MPP7: variants seen among roughly 807,000 people sequenced by gnomAD.
The protein encoded by MPP7 is MAGUK p55 subfamily member 7.
A neutral mutation model predicts 76.5 loss-of-function variants in MPP7; 60 were observed. The observed-to-expected ratio is 0.78, with a 90% CI of 0.64 to 0.97. The LOEUF (loss-of-function observed/expected upper bound fraction) is 0.97. Among genes scored for constraint, MPP7 ranks in the 50% least tolerant of loss-of-function variants. The pLI, the probability that MPP7 is intolerant of heterozygous loss-of-function variation, is 0.00. For synonymous variants in MPP7, 237 were observed against 244.5 expected, an observed-to-expected ratio of 0.97 and a Z score of 0.29; for missense variants, 641 against 694.0, an observed-to-expected ratio of 0.92 and a Z score of 0.86.
intron 16 of MPP7, 27 bp downstream of exon 16, chr10:28,056,453 C>T: frequency 6.2e-7 from 1 of 1,600,728 alleles, no homozygotes; most frequent in Non-Finnish European, 8.5e-7. Flanking sequence ...GCCACCACAC[C>T]TGGCCCCCAA....
At chr10:28,076,947 G>T (rs1049384028) in intron 12 of MPP7, among the ~76,000 whole-genome samples, 4 of 151,380 alleles carry the variant, frequency 2.6e-5, no homozygotes, top group Middle Eastern at 3.2e-3. Flanking sequence ...AAGACAACTA[G>T]AACTACAGGA....
intron 11 of MPP7, among the ~76,000 whole-genome samples, chr10:28,110,239 A>G (rs10826400): frequency 0.27 from 40,297 of 151,812 alleles, 7,554 homozygotes; most frequent in East Asian, 0.88. Flanking sequence ...ATAGGCACGC[A>G]CCACCACACC....
intron 5 of MPP7, among the ~76,000 whole-genome samples, chr10:28,138,981 C>G (rs1310075420): frequency 1.3e-5 from 2 of 152,158 alleles, no homozygotes; most frequent in Admixed American, 6.5e-5. Flanking sequence ...TGGCAGACTG[C>G]CACTGTTACT....
intron 11 of MPP7, 143 bp downstream of exon 11, chr10:28,119,508 A>G (rs968554985): frequency 2.4e-5 from 15 of 622,334 alleles, no homozygotes; most frequent in South Asian, 2.0e-4. Flanking sequence ...TATGAATCTC[A>G]TATTTGTTTG....
chr10:28,123,454 AC>A (rs1210357752), intron 8 of MPP7, among the ~76,000 whole-genome samples: 1 of 148,636 alleles, frequency 6.7e-6, no homozygotes, highest in East Asian at 2.0e-4. Flanking sequence ...AGGGACAGGT[AC>A]TAAATTCTTT....
At chr10:28,171,938 C>T (rs757957184) in intron 3 of MPP7, among the ~76,000 whole-genome samples, 1 of 152,212 alleles carries the variant, frequency 6.6e-6, no homozygotes, top group Admixed American at 6.5e-5. Flanking sequence ...TTCTTTCCAT[C>T]TAAGCAGCTC....
chr10:28,103,518 C>T (rs1296936876), intron 11 of MPP7, among the ~76,000 whole-genome samples: 1 of 152,132 alleles, frequency 6.6e-6, no homozygotes, highest in African/African-American at 2.4e-5. Flanking sequence ...CTTTGACCAC[C>T]ATATTTAAAT....
chr10:28,323,256 G>A (rs1023289684), intron 2 of MPP7, among the ~76,000 whole-genome samples: 1 of 152,062 alleles, frequency 6.6e-6, no homozygotes, highest in African/African-American at 2.4e-5. Context: ...CTGCACTCCA[G>A]CCTGTGTGAC....
chr10:28,288,884 T>C (rs1420124858), intron 1 of MPP7, among the ~76,000 whole-genome samples: 1 of 152,198 alleles, frequency 6.6e-6, no homozygotes, highest in Non-Finnish European at 1.5e-5. Flanking sequence ...AAGGGCCTTA[T>C]GAGCAGAATA....
At chr10:28,262,227 A>ACATATATATATATATG (rs1839993986) in intron 1 of MPP7, among the ~76,000 whole-genome samples, 2 of 23,190 alleles carry the variant, frequency 8.6e-5, no homozygotes, top group African/African-American at 2.0e-4. Context: ...ATATATATAC[A>ACATATATATATATATG]TATATATATA....
chr10:28,177,002 T>G (rs929054491), intron 3 of MPP7, among the ~76,000 whole-genome samples: 1 of 148,822 alleles, frequency 6.7e-6, no homozygotes, highest in East Asian at 2.0e-4. Flanking sequence ...ATTGTGCACA[T>G]GTACCCTAGA....
chr10:28,188,691 G>A (rs1837311941), intron 3 of MPP7, among the ~76,000 whole-genome samples: 1 of 152,084 alleles, frequency 6.6e-6, no homozygotes, highest in Non-Finnish European at 1.5e-5. Flanking sequence ...TACTGCTAGA[G>A]AGCAAACATC....
intron 1 of MPP7, among the ~76,000 whole-genome samples, chr10:28,277,100 T>C (rs1368385141): frequency 6.6e-6 from 1 of 151,984 alleles, no homozygotes; most frequent in African/African-American, 2.4e-5. Flanking sequence ...AGGCTGAGGA[T>C]AGCTTGAGCC....
chr10:28,196,804 A>T (rs2607539), intron 3 of MPP7, among the ~76,000 whole-genome samples: 26,671 of 152,108 alleles, frequency 0.18, 2,970 homozygotes, highest in East Asian at 0.56. Flanking sequence ...TGGCTCTTCC[A>T]ACACTTTGCC....
intron 5 of MPP7, among the ~76,000 whole-genome samples, chr10:28,136,025 G>A (rs563374553): frequency 2.6e-5 from 4 of 151,974 alleles, no homozygotes; most frequent in Non-Finnish European, 4.4e-5. Flanking sequence ...CAGATCAGCA[G>A]CAGCATTAGA....
chr10:28,185,958 A>G (rs1837221495), intron 3 of MPP7, among the ~76,000 whole-genome samples: 1 of 152,194 alleles, frequency 6.6e-6, no homozygotes, highest in Non-Finnish European at 1.5e-5. Flanking sequence ...GCCTTGACAC[A>G]GCAGATCCCA....
At chr10:28,300,689 C>A (rs942762246) in intron 1 of MPP7, among the ~76,000 whole-genome samples, 1 of 152,138 alleles carries the variant, frequency 6.6e-6, no homozygotes, top group South Asian at 2.1e-4. Flanking sequence ...CAATGGCTCA[C>A]GCCTGTAATC....
chr10:28,321,462 T>C (rs187164509), intron 2 of MPP7, among the ~76,000 whole-genome samples: 2 of 152,326 alleles, frequency 1.3e-5, no homozygotes, highest in African/African-American at 4.8e-5. Flanking sequence ...TTATTTTAAT[T>C]GCCCAAATTT....
intron 5 of MPP7, among the ~76,000 whole-genome samples, chr10:28,142,890 T>C (rs1323941311): frequency 6.6e-6 from 1 of 152,158 alleles, no homozygotes; most frequent in African/African-American, 2.4e-5. Flanking sequence ...AACTGTAAAA[T>C]GTACAAACAT....
Sources: allele counts gnomAD v4.1 joint callset (sites outside exome capture counted in the v4.1 genomes callset), GRCh38; gene constraint gnomAD v4.1.1; transcripts MANE v1.5; gene names NCBI Gene and HGNC (gene_info 2026-07-23, HGNC 2026-07-21).